The following CCDC88A variants were observed in gnomAD, a reference collection of about 807,000 sequenced individuals.
The protein encoded by CCDC88A is coiled-coil and HOOK domain protein 88A.
CCDC88A carries 54 observed loss-of-function variants against 234.3 expected under a neutral mutation model. The observed-to-expected ratio is 0.23, with a 90% confidence interval of 0.19 to 0.29. The LOEUF (loss-of-function observed/expected upper bound fraction) is 0.29. Among genes scored for constraint, CCDC88A ranks in the 10% least tolerant of loss-of-function variants. The probability of loss-of-function intolerance (pLI) is 1.00; values close to 1 mark genes in which losing one functional copy is unlikely to be tolerated. For missense variants in CCDC88A, 1,832 were observed against 2,123.4 expected (o/e 0.86, Z 2.70); for synonymous variants, 753 against 737.8 (o/e 1.02, Z -0.33).
At chr2:55,365,638 G>C (rs9789365) in intron 5 of CCDC88A, among the ~76,000 whole-genome samples, 46,127 of 151,786 alleles carry the variant, frequency 0.3, 7,410 homozygotes, top group East Asian at 0.54. Flanking sequence ...CTTTACTCTT[G>C]TAACACACAC....
chr2:55,317,942 C>T lies in CCDC88A; in HGVS notation c.3325-101G>A, dbSNP rs1297197464. Reference sequence around the variant, plus strand: ...TAATTAAAGAAAGCTCTAAATGAATCACAGCACACATATTTACATTATACT... The same window carrying T: ...TAATTAAAGAAAGCTCTAAATGAATTACAGCACACATATTTACATTATACT... On this transcript the variant is annotated intron_variant, in intron 19 of 32. Coordinates refer to ENST00000436346, the MANE Select transcript of CCDC88A (RefSeq NM_001365480.1). The surrounding 1 kb of genome is among the most constrained non-coding windows in gnomAD (Gnocchi z 4.2). The T allele has an allele frequency of 2.5e-6, 2 of 813,508 alleles. No individual in the cohort carries two copies. The highest frequency in any genetic ancestry group is 3.8e-6 in the Non-Finnish European group (2 of 521,044). 50.4% of individuals were successfully genotyped at this position (813,508 alleles called of 1,614,324 possible).
chr2:55,330,910 T>TCCCCAC (rs1684841089), intron 16 of CCDC88A, among the ~76,000 whole-genome samples: 1 of 152,220 alleles, frequency 6.6e-6, no homozygotes, highest in Non-Finnish European at 1.5e-5. Flanking sequence ...GGAATGCCCT[T>TCCCCAC]TCCCACTGTT....
At chr2:55,355,889 T>C in intron 7 of CCDC88A, 138 bp from the exon 8 acceptor site, 2 of 603,968 alleles carry the variant, frequency 3.3e-6, no homozygotes, top group Non-Finnish European at 2.8e-6. Flanking sequence ...ACTATCATAT[T>C]TAGTTGTCAT....
chr2:55,417,247 G>T (rs1170368279), intron 2 of CCDC88A: 1 of 151,890 alleles, frequency 6.6e-6, no homozygotes, highest in African/African-American at 2.4e-5. Context: ...CATTAAAGTG[G>T]AAAACTAAAG....
intron 11 of CCDC88A, 197 bp from the exon 12 acceptor site, chr2:55,343,989 T>C: frequency 4.5e-6 from 2 of 443,498 alleles, no homozygotes; most frequent in Non-Finnish European, 7.8e-6. Flanking sequence ...CCTTTTAAGC[T>C]GATCTTTGGG....
intron 3 of CCDC88A, among the ~76,000 whole-genome samples, chr2:55,381,777 T>C (rs73939645): frequency 0.035 from 5,298 of 152,228 alleles, 130 homozygotes; most frequent in South Asian, 0.058. Context: ...TTAACACTTC[T>C]GGCAAAGGTC....
At chr2:55,295,515 A>G in intron 31 of CCDC88A, 82 bp downstream of exon 31, 2 of 1,611,908 alleles carry the variant, frequency 1.2e-6, no homozygotes, top group South Asian at 1.1e-5. Flanking sequence ...GTCTATAGCT[A>G]AATCATTTTG....
chr2:55,326,251 A>T (rs1684250217), intron 17 of CCDC88A, among the ~76,000 whole-genome samples: 1 of 151,930 alleles, frequency 6.6e-6, no homozygotes, highest in Admixed American at 6.6e-5. Flanking sequence ...CCCTGCGCTC[A>T]AGCGAACTTG....
intron 8 of CCDC88A, among the ~76,000 whole-genome samples, chr2:55,354,266 A>G (rs1311017056): frequency 1.3e-5 from 2 of 150,548 alleles, no homozygotes; most frequent in Non-Finnish European, 3.0e-5. Flanking sequence ...TCAGCCTCCC[A>G]GGTAACTGGG....
chr2:55,372,541 T>C (rs765330972), intron 4 of CCDC88A, 31 bp from the exon 5 acceptor site: 6 of 1,028,438 alleles, frequency 5.8e-6, no homozygotes, highest in Middle Eastern at 2.1e-4. Context: ...AAGGACAACA[T>C]TCTGCTATAT....
chr2:55,344,542 A>G (rs1409554712), intron 10 of CCDC88A, 28 bp from the exon 11 acceptor site: 2 of 1,283,374 alleles, frequency 1.6e-6, no homozygotes, highest in Non-Finnish European at 2.1e-6. Flanking sequence ...AAATGTGTTA[A>G]TATCTGTTAA....
At chr2:55,400,840 A>G (rs998812040) in intron 2 of CCDC88A, among the ~76,000 whole-genome samples, 2 of 152,206 alleles carry the variant, frequency 1.3e-5, no homozygotes, top group Non-Finnish European at 2.9e-5. Context: ...CTGTAACTTA[A>G]AACTATGGTT....
At chr2:55,310,429 A>G (rs755811290) in intron 23 of CCDC88A, among the ~76,000 whole-genome samples, 1 of 152,194 alleles carries the variant, frequency 6.6e-6, no homozygotes, top group Non-Finnish European at 1.5e-5. Flanking sequence ...AAAAAATACA[A>G]AAATTAGCAG....
Position 55,332,400 on chromosome 2 carries a change from G to C in CCDC88A, c.2855+166C>G. 8.0e-7 allele frequency: 1 copy of C among 1,244,822 alleles called. No individual in the cohort carries two copies. The highest frequency in any genetic ancestry group is 1.0e-6 in the Non-Finnish European group (1 of 976,870). 77.1% of individuals were successfully genotyped at this position (1,244,822 alleles called of 1,614,324 possible). On this transcript the variant is annotated intron_variant, in intron 16 of 32. Coordinates refer to ENST00000436346, the MANE Select transcript of CCDC88A (RefSeq NM_001365480.1). The surrounding 1 kb of genome is among the most constrained non-coding windows in gnomAD (Gnocchi z 4.5). ...GCCTCCCAAAGTGCTGGGATTATAG[G>C]TGTGAGCCACCGCACCCGGCTACAG... is the stretch of plus-strand genomic sequence containing the variant.
At chr2:55,418,569 G>C in intron 2 of CCDC88A, 1 of 522,304 alleles carries the variant, frequency 1.9e-6, no homozygotes, top group Non-Finnish European at 3.4e-6. Flanking sequence ...CAGTACTGAA[G>C]ACAAGTGACA....
At chr2:55,393,255 A>C (rs1676941943) in intron 2 of CCDC88A, among the ~76,000 whole-genome samples, 1 of 148,034 alleles carries the variant, frequency 6.8e-6, no homozygotes, top group African/African-American at 2.5e-5. Context: ...CTATTGTGTA[A>C]CAGGAATATA....
At chr2:55,337,022 C>A in intron 13 of CCDC88A, 1 of 383,894 alleles carries the variant, frequency 2.6e-6, no homozygotes, top group Non-Finnish European at 4.6e-6. Flanking sequence ...ATTTCTTATC[C>A]TTGTGCATCT....
At chr2:55,354,776 A>G (rs955184995) in intron 8 of CCDC88A, among the ~76,000 whole-genome samples, 1 of 151,748 alleles carries the variant, frequency 6.6e-6, no homozygotes, top group Non-Finnish European at 1.5e-5. Flanking sequence ...CATGTTGGCC[A>G]GACCGGTCTT....
rs767630266 is a variant in CCDC88A at position 55,334,988 on chromosome 2, T to A, written c.1833A>T (p.Arg611Ser). ...AATGTTCCAATTCTTTTTTAATTTG[T>A]CTTTTTTCAAATTCAATCTTGCTTA... Reference protein sequence around the residue: ...SKLSKIEFEKRQIKKELEHYK... With the variant: ...SKLSKIEFEKSQIKKELEHYK... Residue 611 changes from arginine (R) to serine (S), a missense_variant, in exon 15 of 33, where the codon AGA becomes AGT. Arg to Ser is a moderately radical substitution (Grantham distance 110). Transcript: ENST00000436346. This position sits in a 1 kb window ranked among gnomAD's most constrained non-coding sequence, Gnocchi z 6.1. 5.0e-6 allele frequency: 8 copies of A among 1,595,818 alleles called. No individual in the cohort carries two copies. The highest frequency in any genetic ancestry group is 6.8e-6 in the Non-Finnish European group (8 of 1,170,616).
Sources: allele counts gnomAD v4.1 joint callset (sites outside exome capture counted in the v4.1 genomes callset), GRCh38; gene constraint gnomAD v4.1.1; non-coding constraint Gnocchi (gnomAD v3.1); transcripts MANE v1.5; gene names NCBI Gene and HGNC (gene_info 2026-07-23, HGNC 2026-07-21).